KCNC2: variants seen among roughly 807,000 people sequenced by gnomAD.
KCNC2 encodes potassium voltage-gated channel subfamily C member 2.
In KCNC2, 21 loss-of-function variants were observed where a neutral mutation model predicts 44.5. The observed-to-expected ratio is 0.47, with a 90% confidence interval of 0.33 to 0.68. The LOEUF (loss-of-function observed/expected upper bound fraction) is 0.68. Ranked by LOEUF, KCNC2 falls within the 30% of genes least tolerant of loss-of-function variation. KCNC2 has a pLI of 0.01. For missense variants in KCNC2, 589 were observed against 826.2 expected (o/e 0.71, Z 3.52); for synonymous variants, 391 against 339.1 (o/e 1.15, Z -1.68).
chr12:75,200,780 T>C (rs562904467), intron 2 of KCNC2, among the ~76,000 whole-genome samples: 3 of 151,908 alleles, frequency 2.0e-5, no homozygotes, highest in Admixed American at 2.0e-4. Flanking sequence ...TTATGAAGTG[T>C]GCTAGACAGC....
chr12:75,107,043 G>A (rs888963746), intron 2 of KCNC2, among the ~76,000 whole-genome samples: 4 of 152,028 alleles, frequency 2.6e-5, no homozygotes, highest in Middle Eastern at 6.8e-3. Context: ...GGTGGCTCAC[G>A]CCTGTAATCC....
chr12:75,184,678 T>C (rs1178039165), intron 2 of KCNC2, among the ~76,000 whole-genome samples: 1 of 152,180 alleles, frequency 6.6e-6, no homozygotes, highest in Non-Finnish European at 1.5e-5. Flanking sequence ...ATTTCTTTTC[T>C]GAATTAAGGA....
At chr12:75,119,096 T>C (rs1398397517) in intron 2 of KCNC2, among the ~76,000 whole-genome samples, 5 of 152,210 alleles carry the variant, frequency 3.3e-5, no homozygotes, top group African/African-American at 1.2e-4. Flanking sequence ...ATTGAAATGG[T>C]ACATGGAATG....
intron 2 of KCNC2, among the ~76,000 whole-genome samples, chr12:75,146,057 C>A (rs1348381035): frequency 6.6e-6 from 1 of 151,562 alleles, no homozygotes; most frequent in South Asian, 2.1e-4. Context: ...GGGGTTCACA[C>A]CATTCTCTTG....
At chr12:75,043,412 A>G (rs1880141835) in intron 4 of KCNC2, 171 bp from the exon 5 acceptor site, 21 of 1,381,370 alleles carry the variant, frequency 1.5e-5, no homozygotes, top group Non-Finnish European at 2.0e-5. Context: ...AGCTCACTGT[A>G]GTTGCCATTT....
In KCNC2 at chr12:75,091,019, T is replaced by C. The variant is rs925919513; in HGVS notation, c.688-39702A>G. ...ACCTCTAAAAGCTACTGAGTGGCTGTTGCATCTCAATGCTGTACATAATCT... is the reference window on the plus strand; with the variant it reads ...ACCTCTAAAAGCTACTGAGTGGCTGCTGCATCTCAATGCTGTACATAATCT... On this transcript the variant is annotated intron_variant, in intron 2 of 4. Coordinates refer to ENST00000549446, the MANE Select transcript of KCNC2 (RefSeq NM_139137.4). Among the ~76,000 whole-genome samples, 8 of 151,914 alleles carry C rather than the reference T, an allele frequency of 5.3e-5. No individual in the cohort carries two copies. The South Asian group carries it at 8.3e-4, about 16-fold the overall frequency.
chr12:75,189,153 T>C (rs1412927921), intron 2 of KCNC2, among the ~76,000 whole-genome samples: 1 of 152,172 alleles, frequency 6.6e-6, no homozygotes, highest in Non-Finnish European at 1.5e-5. Context: ...GAAATAACAT[T>C]AGCCAAGAAT....
At chr12:75,099,294 C>T (rs1178528863) in intron 2 of KCNC2, among the ~76,000 whole-genome samples, 4 of 152,150 alleles carry the variant, frequency 2.6e-5, no homozygotes, top group Admixed American at 1.3e-4. Context: ...AAACCCTCAA[C>T]TGTATAATGC....
intron 2 of KCNC2, among the ~76,000 whole-genome samples, chr12:75,102,235 A>G (rs541952448): frequency 8.5e-5 from 13 of 152,230 alleles, no homozygotes; most frequent in African/African-American, 2.4e-4. Flanking sequence ...ATGTATGCAT[A>G]AGAATCAGGA....
intron 2 of KCNC2, among the ~76,000 whole-genome samples, chr12:75,168,999 T>C (rs1398072621): frequency 6.6e-6 from 1 of 151,528 alleles, no homozygotes; most frequent in Non-Finnish European, 1.5e-5. Flanking sequence ...AGACAGATGA[T>C]GTTTTTAATC....
chr12:75,147,877 A>G (rs1422291862), intron 2 of KCNC2, among the ~76,000 whole-genome samples: 1 of 152,172 alleles, frequency 6.6e-6, no homozygotes, highest in African/African-American at 2.4e-5. Flanking sequence ...GCAAACATTC[A>G]AAGTTTAGAG....
chr12:75,186,457 A>G (rs933825917), intron 2 of KCNC2, among the ~76,000 whole-genome samples: 4 of 152,162 alleles, frequency 2.6e-5, no homozygotes, highest in East Asian at 1.9e-4. Context: ...ATTTTTCAGA[A>G]TAGAATATTC....
intron 2 of KCNC2, among the ~76,000 whole-genome samples, chr12:75,057,818 T>C (rs1881907338): frequency 6.6e-6 from 1 of 151,962 alleles, no homozygotes; most frequent in South Asian, 2.1e-4. Context: ...CCAAAATTAC[T>C]ATTGACCACT....
At position 75,042,652 on chromosome 12, in the gene KCNC2, G is replaced by A; in HGVS notation, c.*453C>T. 8.2e-7 allele frequency: 1 copy of A among 1,224,550 alleles called. No individual in the cohort carries two copies. Among genetic ancestry groups the A allele is most frequent in the Non-Finnish European group, 1.0e-6 (1 of 979,542 alleles). 75.9% of individuals were successfully genotyped at this position (1,224,550 alleles called of 1,614,324 possible). A position where few individuals can be genotyped will look rare whatever the true frequency, so the allele number is the denominator to read the frequency against. On this transcript the variant is annotated 3_prime_UTR_variant, in exon 5 of 5. Coordinates refer to ENST00000549446, the MANE Select transcript of KCNC2 (RefSeq NM_139137.4). ...CATTGCTTTCAGGTGATAGAGACAA[G>A]ATGGTCCATGCAAATGAGCTGACAC...
intron 2 of KCNC2, among the ~76,000 whole-genome samples, chr12:75,109,605 A>C (rs1252265417): frequency 6.6e-6 from 1 of 152,114 alleles, no homozygotes; most frequent in Non-Finnish European, 1.5e-5. Context: ...GCAGATCGTG[A>C]TCATAAGATT....
intron 2 of KCNC2, among the ~76,000 whole-genome samples, chr12:75,087,047 G>A (rs1019928307): frequency 6.6e-6 from 1 of 151,958 alleles, no homozygotes; most frequent in Non-Finnish European, 1.5e-5. Context: ...TACTTTCTTA[G>A]TCCTTGTCTT....
At chr12:75,184,523 C>G (rs1158002732) in intron 2 of KCNC2, among the ~76,000 whole-genome samples, 1 of 152,072 alleles carries the variant, frequency 6.6e-6, no homozygotes, top group Middle Eastern at 3.2e-3. Context: ...ACTACATCTC[C>G]CTTTTCAGCA....
intron 2 of KCNC2, among the ~76,000 whole-genome samples, chr12:75,145,703 CTTG>C (rs1041732546): frequency 2.0e-5 from 3 of 151,888 alleles, no homozygotes; most frequent in Non-Finnish European, 2.9e-5. Context: ...CTAGTGTCTT[CTTG>C]TTGTATATTC....
At chr12:75,060,145 A>T (rs1882160851) in intron 2 of KCNC2, among the ~76,000 whole-genome samples, 1 of 152,090 alleles carries the variant, frequency 6.6e-6, no homozygotes, top group Non-Finnish European at 1.5e-5. Flanking sequence ...TTTCTATTCC[A>T]TTATATATTT....
Sources: allele counts gnomAD v4.1 joint callset (sites outside exome capture counted in the v4.1 genomes callset), GRCh38; gene constraint gnomAD v4.1.1; transcripts MANE v1.5; gene names NCBI Gene and HGNC (gene_info 2026-07-23, HGNC 2026-07-21).